The following CSMD1 variants were observed in gnomAD, a reference collection of about 807,000 sequenced individuals.
CSMD1 encodes CUB and Sushi multiple domains 1.
In CSMD1, 213 loss-of-function variants were observed where a neutral mutation model predicts 417.5. The ratio of observed to expected loss-of-function variants is 0.51; its 90% CI spans 0.46 to 0.57. CSMD1 has a LOEUF of 0.57. Ranked by LOEUF, CSMD1 falls within the 20% of genes least tolerant of loss-of-function variation. The pLI is 0.00. For missense variants in CSMD1, 6,923 were observed against 4,529.7 expected (o/e 1.53, Z -15.17); for synonymous variants, 2,862 against 1,736.8 (o/e 1.65, Z -16.11).
intron 3 of CSMD1, among the ~76,000 whole-genome samples, chr8:4,182,553 C>G (rs1039711708): frequency 7.2e-5 from 11 of 152,204 alleles, no homozygotes; most frequent in African/African-American, 2.6e-4. Flanking sequence ...TCCTTTCAAA[C>G]ATAATGATGT....
chr8:2,979,086 T>A (rs1805184788), intron 54 of CSMD1, among the ~76,000 whole-genome samples: 1 of 152,222 alleles, frequency 6.6e-6, no homozygotes. Flanking sequence ...GTTAGTTTCC[T>A]TGGTTAAGTT....
chr8:3,702,560 G>A (rs1349798443), intron 7 of CSMD1, among the ~76,000 whole-genome samples: 1 of 152,236 alleles, frequency 6.6e-6, no homozygotes, highest in Non-Finnish European at 1.5e-5. Context: ...GCCAGGTGCG[G>A]TGGCTCATGC....
intron 1 of CSMD1, among the ~76,000 whole-genome samples, chr8:4,896,234 C>T (rs191333777): frequency 4.6e-5 from 7 of 152,042 alleles, no homozygotes; most frequent in Non-Finnish European, 2.9e-5. Flanking sequence ...TTCAACTTTG[C>T]AGGTCACCTT....
At chr8:3,707,893 G>A (rs1167927190) in intron 7 of CSMD1, among the ~76,000 whole-genome samples, 1 of 152,178 alleles carries the variant, frequency 6.6e-6, no homozygotes, top group Non-Finnish European at 1.5e-5. Context: ...TATTGATCTG[G>A]TATCTACCAG....
intron 10 of CSMD1, among the ~76,000 whole-genome samples, chr8:3,499,010 A>T (rs2084316): frequency 0.76 from 114,905 of 152,090 alleles, 43,555 homozygotes; most frequent in Middle Eastern, 0.84. Context: ...TCTTTGGGAT[A>T]TGGAATTAGA....
intron 1 of CSMD1, among the ~76,000 whole-genome samples, chr8:4,685,685 A>T (rs955565560): frequency 6.6e-6 from 1 of 152,244 alleles, no homozygotes; most frequent in Non-Finnish European, 1.5e-5. Flanking sequence ...TAAATTTGAA[A>T]ATTGAGTACA....
intron 1 of CSMD1, among the ~76,000 whole-genome samples, chr8:4,638,307 A>G (rs1259367576): frequency 6.6e-6 from 1 of 152,204 alleles, no homozygotes; most frequent in Non-Finnish European, 1.5e-5. Flanking sequence ...ACATAACTGC[A>G]ATATGTGGTA....
At chr8:4,002,775 A>G (rs1815791360) in intron 4 of CSMD1, among the ~76,000 whole-genome samples, 1 of 152,228 alleles carries the variant, frequency 6.6e-6, no homozygotes, top group African/African-American at 2.4e-5. Flanking sequence ...AGTATATTGG[A>G]AGAACTGAAT....
At chr8:3,949,961 G>C (rs1447818973) in intron 5 of CSMD1, 5 of 455,834 alleles carry the variant, frequency 1.1e-5, no homozygotes, top group Non-Finnish European at 2.2e-5. Flanking sequence ...CATGCCAGCA[G>C]AGCGACGTGT....
chr8:4,308,490 G>C (rs749090198), intron 3 of CSMD1, among the ~76,000 whole-genome samples: 1 of 152,114 alleles, frequency 6.6e-6, no homozygotes, highest in Non-Finnish European at 1.5e-5. Context: ...TGTGAAACAC[G>C]GCAAAAGGCC....
chr8:4,945,731 G>T (rs141975859), intron 1 of CSMD1, among the ~76,000 whole-genome samples: 1 of 152,146 alleles, frequency 6.6e-6, no homozygotes, highest in South Asian at 2.1e-4. Flanking sequence ...CTTTTGGAGG[G>T]TACAAGGAGG....
chr8:4,926,506 T>C (rs73189630), intron 1 of CSMD1, among the ~76,000 whole-genome samples: 7,058 of 152,308 alleles, frequency 0.046, 273 homozygotes, highest in Non-Finnish European at 0.064. Flanking sequence ...AATGTATAAA[T>C]AGCAGTTATC....
intron 19 of CSMD1, among the ~76,000 whole-genome samples, chr8:3,368,217 G>C (rs985065230): frequency 2.0e-5 from 3 of 152,130 alleles, no homozygotes; most frequent in African/African-American, 7.2e-5. Context: ...ATTCATGGCA[G>C]CATAGTGCCA....
chr8:4,231,852 A>G (rs1453831181), intron 3 of CSMD1, among the ~76,000 whole-genome samples: 2 of 152,218 alleles, frequency 1.3e-5, no homozygotes, highest in Non-Finnish European at 2.9e-5. Context: ...GTACATGTAT[A>G]TGATAAAGGA....
chr8:3,586,627 C>A (rs936277443), intron 8 of CSMD1, among the ~76,000 whole-genome samples: 21 of 152,086 alleles, frequency 1.4e-4, no homozygotes, highest in African/African-American at 5.1e-4. Context: ...AGTTGGATGT[C>A]ATTCATCGTG....
intron 2 of CSMD1, among the ~76,000 whole-genome samples, chr8:4,630,293 C>G (rs1802434322): frequency 9.3e-6 from 1 of 107,596 alleles, no homozygotes; most frequent in South Asian, 3.2e-4. Context: ...CACACACACA[C>G]ACACACACAC....
chr8:4,278,568 A>G (rs1251926531), intron 3 of CSMD1, among the ~76,000 whole-genome samples: 1 of 152,262 alleles, frequency 6.6e-6, no homozygotes, highest in Non-Finnish European at 1.5e-5. Flanking sequence ...AAAACGTTAG[A>G]TAACATATGC....
chr8:3,168,539 A>G (rs1820375584), intron 37 of CSMD1, among the ~76,000 whole-genome samples: 1 of 152,102 alleles, frequency 6.6e-6, no homozygotes, highest in African/African-American at 2.4e-5. Flanking sequence ...GAGGAAGTAA[A>G]TGTCAAATGC....
intron 8 of CSMD1, among the ~76,000 whole-genome samples, chr8:3,616,481 G>C (rs369806564): frequency 6.6e-6 from 1 of 151,994 alleles, no homozygotes; most frequent in Admixed American, 6.6e-5. Flanking sequence ...CCACTCTCTG[G>C]TATGCCTTTA....
Sources: gnomAD v4.1 joint callset for allele counts (sites outside exome capture counted in the v4.1 genomes callset) on GRCh38, gnomAD v4.1.1 for gene constraint, MANE v1.5 for transcripts, NCBI Gene and HGNC (gene_info 2026-07-23, HGNC 2026-07-21) for gene names.